The following ANTXR1 variants were observed in gnomAD, a reference collection of about 807,000 sequenced individuals.
ANTXR1 encodes anthrax toxin receptor 1.
ANTXR1 carries 19 observed loss-of-function variants against 78.1 expected under a neutral mutation model. That is an observed-to-expected ratio of 0.24 (90% CI 0.17 to 0.36). The LOEUF (loss-of-function observed/expected upper bound fraction) is 0.36. ANTXR1 is among the 10% of genes least tolerant of loss of function. The pLI, the probability that ANTXR1 is intolerant of heterozygous loss-of-function variation, is 1.00. For synonymous variants in ANTXR1, 273 were observed against 260.5 expected, an observed-to-expected ratio of 1.05 and a Z score of -0.46; for missense variants, 518 against 718.6, an observed-to-expected ratio of 0.72 and a Z score of 3.19.
chr2:69,245,508 C>T lies in ANTXR1; in HGVS notation c.*23C>T. ...TAGAGCCCAAAGTTCCTGCTCTGGG[C>T]TCTCTCAGAAACTTCAGGAGATGTT... On this transcript the variant is annotated 3_prime_UTR_variant, in exon 18 of 18. Transcript: ENST00000303714. 6 of 1,612,988 alleles carry T rather than the reference C, an allele frequency of 3.7e-6. No individual in the cohort carries two copies. The highest frequency in any genetic ancestry group is 3.3e-5 in the South Asian group (3 of 90,894).
chr2:69,124,206 CT>C (rs1408894044), intron 11 of ANTXR1, among the ~76,000 whole-genome samples: 2 of 152,208 alleles, frequency 1.3e-5, no homozygotes, highest in Non-Finnish European at 2.9e-5. Context: ...CCCCCATTGA[CT>C]TGGACTATTT....
At chr2:69,175,027 C>T (rs1674083029) in intron 14 of ANTXR1, among the ~76,000 whole-genome samples, 1 of 152,092 alleles carries the variant, frequency 6.6e-6, no homozygotes, top group African/African-American at 2.4e-5. Flanking sequence ...CTCACTGGTC[C>T]CTGAAGACAA....
chr2:69,226,815 C>A (rs183235059), intron 17 of ANTXR1, among the ~76,000 whole-genome samples: 3 of 152,322 alleles, frequency 2.0e-5, no homozygotes, highest in East Asian at 3.9e-4. Context: ...CTTTACCCTG[C>A]CTCTTTCCAA....
At chr2:69,072,954 T>C (rs1670613454) in intron 5 of ANTXR1, 68 bp from the exon 6 acceptor site, 1 of 1,470,714 alleles carries the variant, frequency 6.8e-7, no homozygotes, top group Non-Finnish European at 9.5e-7. Context: ...GGTTGAATCC[T>C]GGGACTGAGA....
intron 8 of ANTXR1, among the ~76,000 whole-genome samples, chr2:69,079,368 G>A (rs915040348): frequency 1.3e-5 from 2 of 152,076 alleles, no homozygotes; most frequent in African/African-American, 4.8e-5. Flanking sequence ...GCTCAGAGGT[G>A]GATTATTCTG....
At chr2:69,079,433 A>T (rs753366051) in intron 8 of ANTXR1, among the ~76,000 whole-genome samples, 8 of 152,136 alleles carry the variant, frequency 5.3e-5, no homozygotes, top group Non-Finnish European at 1.2e-4. Context: ...AAAACCAGGG[A>T]AAGGTGATGG....
chr2:69,081,048 C>A (rs1470088079), intron 8 of ANTXR1, among the ~76,000 whole-genome samples: 1 of 152,182 alleles, frequency 6.6e-6, no homozygotes, highest in Admixed American at 6.6e-5. Context: ...GCATTTCGGC[C>A]TTTGAAGAAG....
chr2:69,019,224 G>A (rs1671111797), intron 1 of ANTXR1, among the ~76,000 whole-genome samples: 1 of 152,224 alleles, frequency 6.6e-6, no homozygotes, highest in Non-Finnish European at 1.5e-5. Flanking sequence ...AAGGCACCTT[G>A]AAGGTGCTAC....
chr2:69,133,166 A>C (rs79813925), intron 12 of ANTXR1, among the ~76,000 whole-genome samples: 2,650 of 152,298 alleles, frequency 0.017, 80 homozygotes, highest in African/African-American at 0.06. Context: ...ACAAGTAGGC[A>C]GCTCATGATT....
chr2:69,177,247 G>A (rs1303286649), intron 14 of ANTXR1, among the ~76,000 whole-genome samples: 1 of 152,222 alleles, frequency 6.6e-6, no homozygotes, highest in African/African-American at 2.4e-5. Context: ...TAGAAGCAAT[G>A]GGAGAAGGGC....
intron 14 of ANTXR1, among the ~76,000 whole-genome samples, chr2:69,177,519 G>A (rs1054868304): frequency 6.6e-6 from 1 of 152,186 alleles, no homozygotes; most frequent in Non-Finnish European, 1.5e-5. Flanking sequence ...GCTGCCATTT[G>A]TGTTACCCAA....
chr2:69,152,360 T>C, intron 13 of ANTXR1, 96 bp downstream of exon 13: 2 of 1,254,228 alleles, frequency 1.6e-6, no homozygotes, highest in Non-Finnish European at 1.2e-6. Context: ...AAACTAAAGA[T>C]GGGAGACAAA....
chr2:69,131,367 A>C (rs1180453449), intron 12 of ANTXR1, among the ~76,000 whole-genome samples: 1 of 152,138 alleles, frequency 6.6e-6, no homozygotes, highest in Non-Finnish European at 1.5e-5. Context: ...AGAGCCACAG[A>C]CTTGTTCATT....
intron 12 of ANTXR1, 116 bp from the exon 13 acceptor site, chr2:69,152,053 G>T: frequency 1.9e-6 from 2 of 1,041,174 alleles, no homozygotes; most frequent in East Asian, 2.4e-5. Flanking sequence ...CCATTTGCTT[G>T]GCAAACTGTG....
At chr2:69,183,542 C>T (rs756794869) in intron 16 of ANTXR1, among the ~76,000 whole-genome samples, 37 of 150,744 alleles carry the variant, frequency 2.5e-4, no homozygotes, top group Middle Eastern at 6.9e-3. Flanking sequence ...GCTGGGACTA[C>T]GGGCACGCAC....
chr2:69,219,104 C>G (rs1177739247), intron 17 of ANTXR1, among the ~76,000 whole-genome samples: 3 of 152,122 alleles, frequency 2.0e-5, no homozygotes, highest in Non-Finnish European at 2.9e-5. Flanking sequence ...AGGTCATAAC[C>G]TCCTCATCCA....
intron 17 of ANTXR1, among the ~76,000 whole-genome samples, chr2:69,204,016 C>T (rs1006445853): frequency 6.6e-6 from 1 of 152,094 alleles, no homozygotes; most frequent in Non-Finnish European, 1.5e-5. Context: ...GGGATTAGCT[C>T]TAGGGTCAGA....
intron 17 of ANTXR1, among the ~76,000 whole-genome samples, chr2:69,237,300 A>G (rs1675788939): frequency 6.6e-6 from 1 of 152,254 alleles, no homozygotes; most frequent in Admixed American, 6.5e-5. Flanking sequence ...TTCCATGAAC[A>G]GCACATAAAA....
At position 69,248,530 on chromosome 2, in the gene ANTXR1, A is replaced by T. The variant is rs957328386; in HGVS notation, c.*3045A>T. The T allele has an allele frequency of 2.0e-5, 3 of 152,604 alleles. No homozygotes were observed. The highest frequency in any genetic ancestry group is 4.4e-5 in the Non-Finnish European group (3 of 68,026). The allele number at this position is 152,604 out of a possible 1,614,324, so 9.5% of individuals were successfully genotyped here. On this transcript the variant is annotated 3_prime_UTR_variant, in exon 18 of 18. Transcript: ENST00000303714. ...TTGCCTGAAGCTTGGTGCACCCTCC[A>T]GTGAGACACAAGATCTCTCTTTTAC...
Sources: gnomAD v4.1 joint callset for allele counts (sites outside exome capture counted in the v4.1 genomes callset) on GRCh38, gnomAD v4.1.1 for gene constraint, MANE v1.5 for transcripts, NCBI Gene and HGNC (gene_info 2026-07-23, HGNC 2026-07-21) for gene names.